Variants in NLK observed in about 807,000 individuals in gnomAD.
NLK encodes serine/threonine-protein kinase NLK.
A neutral mutation model predicts 59.0 loss-of-function variants in NLK; 11 were observed. The ratio of observed to expected loss-of-function variants is 0.19; its 90% CI spans 0.12 to 0.31. NLK has a LOEUF of 0.31. NLK is among the 10% of genes least tolerant of loss of function. NLK has a pLI of 1.00. For synonymous variants in NLK, 235 were observed against 235.9 expected, an observed-to-expected ratio of 1.00 and a Z score of 0.03; for missense variants, 410 against 661.1, an observed-to-expected ratio of 0.62 and a Z score of 4.16.
At chr17:28,077,077 T>C (rs913575937) in intron 1 of NLK, among the ~76,000 whole-genome samples, 18 of 137,624 alleles carry the variant, frequency 1.3e-4, no homozygotes, top group East Asian at 4.2e-4. Flanking sequence ...TTCTTTCTTT[T>C]TTTTTTTTTT....
intron 1 of NLK, among the ~76,000 whole-genome samples, chr17:28,069,354 A>G (rs536127557): frequency 8.1e-4 from 124 of 152,306 alleles, no homozygotes; most frequent in Middle Eastern, 3.4e-3. Flanking sequence ...CTATTCTTAC[A>G]TAAGTCTTTT....
the NLK span, among the ~76,000 whole-genome samples, chr17:28,203,969 C>T: frequency 2.0e-5 from 3 of 152,336 alleles, no homozygotes; most frequent in East Asian, 5.8e-4. Context: ...GCTTTCTTCC[C>T]TCGTTTCCCC....
intron 1 of NLK, among the ~76,000 whole-genome samples, chr17:28,097,263 A>G (rs1012565250): frequency 1.3e-5 from 2 of 152,202 alleles, no homozygotes; most frequent in African/African-American, 4.8e-5. Flanking sequence ...TTTAAATTAT[A>G]CTAATGTTAT....
At chr17:28,183,662 T>G (rs1192527655) in intron 7 of NLK, among the ~76,000 whole-genome samples, 1 of 152,178 alleles carries the variant, frequency 6.6e-6, no homozygotes, top group African/African-American at 2.4e-5. Flanking sequence ...TTGAGTTGAT[T>G]CTCATATGCT....
At chr17:28,062,784 T>C (rs1329911226) in intron 1 of NLK, among the ~76,000 whole-genome samples, 2 of 152,192 alleles carry the variant, frequency 1.3e-5, no homozygotes, top group Admixed American at 1.3e-4. Context: ...TTTCACCATG[T>C]TGGCCAGGCT....
intron 7 of NLK, among the ~76,000 whole-genome samples, chr17:28,176,279 T>C (rs1908677572): frequency 1.3e-5 from 2 of 152,216 alleles, no homozygotes; most frequent in African/African-American, 4.8e-5. Flanking sequence ...TTTAAACTCA[T>C]GAAGAATACT....
At chr17:28,099,067 T>C (rs1388545698) in intron 1 of NLK, among the ~76,000 whole-genome samples, 1 of 152,084 alleles carries the variant, frequency 6.6e-6, no homozygotes, top group African/African-American at 2.4e-5. Flanking sequence ...GACAAAAAGG[T>C]CCACCCATTT....
chr17:28,161,806 A>T (rs1908016303), intron 4 of NLK, among the ~76,000 whole-genome samples: 2 of 152,162 alleles, frequency 1.3e-5, no homozygotes, highest in African/African-American at 4.8e-5. Flanking sequence ...CACAGACTTG[A>T]CTGAGAAAGG....
chr17:28,079,024 A>G (rs1910259865), intron 1 of NLK, among the ~76,000 whole-genome samples: 2 of 152,196 alleles, frequency 1.3e-5, no homozygotes, highest in South Asian at 4.1e-4. Context: ...CCCATTGAAT[A>G]ACAACTTCCC....
At chr17:28,175,022 G>A (rs1908617855) in intron 7 of NLK, among the ~76,000 whole-genome samples, 2 of 149,032 alleles carry the variant, frequency 1.3e-5, no homozygotes, top group Admixed American at 1.3e-4. Flanking sequence ...AGATTAATTT[G>A]GTCTTTGGAA....
intron 1 of NLK, among the ~76,000 whole-genome samples, chr17:28,087,973 A>G (rs2142773848): frequency 6.6e-6 from 1 of 152,274 alleles, no homozygotes; most frequent in South Asian, 2.1e-4. Flanking sequence ...AAAAGGTTGA[A>G]CTTTGAGAAT....
chr17:28,061,900 C>T (rs993577105), intron 1 of NLK: 2 of 138,034 alleles, frequency 1.4e-5, no homozygotes, highest in African/African-American at 5.4e-5. Flanking sequence ...TATACATATA[C>T]ATACATATAT....
rs571510078 is a variant in NLK, at chr17:28,063,844, T to C, written c.458+20513T>C. Among the ~76,000 whole-genome samples the C allele has an allele frequency of 1.5e-4, 23 of 152,326 alleles. 1 individual carries two copies. Among genetic ancestry groups the C allele is most frequent in the Admixed American group, 4.6e-4 (7 of 15,304 alleles). On this transcript the variant is annotated intron_variant, in intron 1 of 10. Transcript: ENST00000407008. The stretch of plus-strand genomic sequence containing the variant: ...GAACGAAATGAGACAAGAGTGTTGA[T>C]TTACCTGTTGAAAAACTGCAAGCCT...
chr17:28,187,288 T>G lies in NLK; in HGVS notation c.1236+2023T>G, dbSNP rs1050483910. Among the ~76,000 whole-genome samples the G allele has an allele frequency of 3.5e-4, 54 of 152,140 alleles. 1 individual carries two copies. The highest frequency in any genetic ancestry group is 3.4e-3 in the Middle Eastern group (1 of 294). On this transcript the variant is annotated intron_variant, in intron 8 of 10. Transcript: ENST00000407008. ...CCTCTTTCTCTGAGATCCCATGTTT[T>G]GTTTGGTTTGGTTTGGTTTGGTTTG...
chr17:28,071,971 G>A (rs952910488), intron 1 of NLK, among the ~76,000 whole-genome samples: 7 of 152,082 alleles, frequency 4.6e-5, no homozygotes, highest in African/African-American at 7.2e-5. Context: ...GTTCATTTAC[G>A]TTCTTTGAGT....
chr17:28,091,024 T>G (rs993057165), intron 1 of NLK, among the ~76,000 whole-genome samples: 1 of 152,206 alleles, frequency 6.6e-6, no homozygotes, highest in Non-Finnish European at 1.5e-5. Context: ...GAATACTATA[T>G]ATATGAAATA....
intron 5 of NLK, among the ~76,000 whole-genome samples, chr17:28,168,160 A>G (rs1908317335): frequency 2.6e-5 from 3 of 114,310 alleles, no homozygotes; most frequent in Non-Finnish European, 1.8e-5. Context: ...CCCCTTCTCT[A>G]CTAAATAATA....
chr17:28,062,984 G>A (rs1466908916), intron 1 of NLK, among the ~76,000 whole-genome samples: 1 of 152,204 alleles, frequency 6.6e-6, no homozygotes, highest in East Asian at 1.9e-4. Context: ...AGGTTGGAGT[G>A]CAGTGGCACG....
chr17:28,175,081 G>C (rs1423801635), intron 7 of NLK, among the ~76,000 whole-genome samples: 1 of 150,660 alleles, frequency 6.6e-6, no homozygotes, highest in Non-Finnish European at 1.5e-5. Context: ...TCTGCAAAAT[G>C]TATAGGGTTT....
Sources: allele counts gnomAD v4.1 joint callset (sites outside exome capture counted in the v4.1 genomes callset), GRCh38; gene constraint gnomAD v4.1.1; transcripts MANE v1.5; gene names NCBI Gene and HGNC (gene_info 2026-07-23, HGNC 2026-07-21).